MEI4: variants seen among roughly 807,000 people sequenced by gnomAD.
MEI4 encodes the protein meiotic double-stranded break formation protein 4, also known as meiosis-specific protein MEI4.
In MEI4, 27 loss-of-function variants were observed where a neutral mutation model predicts 31.4. That is an observed-to-expected ratio of 0.86 (90% CI 0.63 to 1.19). The LOEUF is 1.19. Among genes scored for constraint, MEI4 ranks in the 50% most tolerant of loss-of-function variants. MEI4 has a pLI of 0.00. For synonymous variants in MEI4, 122 were observed against 145.4 expected (o/e 0.84, Z 1.16); for missense variants, 329 against 398.9 (o/e 0.82, Z 1.49).
At chr6:77,760,507 T>C (rs1362632552) in intron 2 of MEI4, among the ~76,000 whole-genome samples, 1 of 152,186 alleles carries the variant, frequency 6.6e-6, no homozygotes, top group African/African-American at 2.4e-5. Flanking sequence ...CTTTATACTT[T>C]CTGTGGAAGC....
chr6:77,889,406 A>C (rs1330698057), intron 4 of MEI4, among the ~76,000 whole-genome samples: 2 of 152,184 alleles, frequency 1.3e-5, no homozygotes, highest in African/African-American at 2.4e-5. Context: ...GCTATACTTT[A>C]GCAAAGAGAC....
chr6:77,794,975 C>G (rs1769038433), intron 3 of MEI4, among the ~76,000 whole-genome samples: 1 of 151,822 alleles, frequency 6.6e-6, no homozygotes. Context: ...TTTGAACAAC[C>G]AGTGAATAAA....
At chr6:77,731,421 GTCT>G (rs1353022943) in intron 2 of MEI4, among the ~76,000 whole-genome samples, 5 of 151,302 alleles carry the variant, frequency 3.3e-5, no homozygotes, top group Admixed American at 2.6e-4. Flanking sequence ...CTGCATAAAT[GTCT>G]TCTTTTGAGA....
intron 2 of MEI4, among the ~76,000 whole-genome samples, chr6:77,713,552 C>T (rs1407609339): frequency 6.6e-6 from 1 of 152,058 alleles, no homozygotes; most frequent in Non-Finnish European, 1.5e-5. Context: ...GCCACATTCT[C>T]CAGTTTCAGT....
intron 2 of MEI4, among the ~76,000 whole-genome samples, chr6:77,742,253 C>T (rs1318185043): frequency 6.6e-6 from 1 of 151,334 alleles, no homozygotes; most frequent in Non-Finnish European, 1.5e-5. Context: ...TCAAAGTGTT[C>T]CTATTTCTCC....
At chr6:77,899,541 C>T (rs922437386) in intron 4 of MEI4, among the ~76,000 whole-genome samples, 4 of 152,056 alleles carry the variant, frequency 2.6e-5, no homozygotes, top group Non-Finnish European at 5.9e-5. Flanking sequence ...TATCGAGGCT[C>T]ATTCAGCTGC....
chr6:77,887,390 G>A (rs865910600), intron 4 of MEI4, among the ~76,000 whole-genome samples: 2 of 151,846 alleles, frequency 1.3e-5, no homozygotes, highest in African/African-American at 2.4e-5. Flanking sequence ...TCCACCTCCC[G>A]GGTTGAAGTG....
chr6:77,744,313 G>A (rs1246007981), intron 2 of MEI4, among the ~76,000 whole-genome samples: 95 of 151,556 alleles, frequency 6.3e-4, no homozygotes, highest in Non-Finnish European at 1.1e-3. Flanking sequence ...CGAGAACTAC[G>A]TGAAGAATGC....
At chr6:77,745,031 A>T (rs1035104573) in intron 2 of MEI4, among the ~76,000 whole-genome samples, 16 of 152,230 alleles carry the variant, frequency 1.1e-4, no homozygotes, top group Admixed American at 2.6e-4. Flanking sequence ...AATTGTAAAG[A>T]CCATTGAGGC....
At chr6:77,695,706 C>T (rs1164656328) in intron 2 of MEI4, among the ~76,000 whole-genome samples, 50 of 152,226 alleles carry the variant, frequency 3.3e-4, no homozygotes, top group South Asian at 8.3e-4. Flanking sequence ...ATGATGCCTC[C>T]GGCTTTGTTC....
chr6:77,740,803 T>G (rs1036324812), intron 2 of MEI4, among the ~76,000 whole-genome samples: 1 of 151,782 alleles, frequency 6.6e-6, no homozygotes, highest in African/African-American at 2.4e-5. Flanking sequence ...ATGTTGAACA[T>G]ATATATTTTG....
chr6:77,664,142 C>CT (rs1243546925), intron 1 of MEI4, among the ~76,000 whole-genome samples: 5 of 152,162 alleles, frequency 3.3e-5, no homozygotes, highest in African/African-American at 1.2e-4. Context: ...GGAATTGCAA[C>CT]TTTTTTCTAT....
At chr6:77,652,669 G>A (rs1768321598), upstream of MEI4, among the ~76,000 whole-genome samples, 1 of 152,150 alleles carries the variant, frequency 6.6e-6, no homozygotes, top group Non-Finnish European at 1.5e-5. Flanking sequence ...CCGTTATCCA[G>A]TAATCATAGC....
chr6:77,853,373 G>A (rs1172310408), intron 4 of MEI4, among the ~76,000 whole-genome samples: 1 of 152,152 alleles, frequency 6.6e-6, no homozygotes, highest in African/African-American at 2.4e-5. Context: ...AAACTTTTAA[G>A]GAGTTTCAGT....
At chr6:77,860,856 A>G (rs571833050) in intron 4 of MEI4, among the ~76,000 whole-genome samples, 1 of 152,234 alleles carries the variant, frequency 6.6e-6, no homozygotes, top group African/African-American at 2.4e-5. Flanking sequence ...CTTCATATGA[A>G]CATTTTATCT....
chr6:77,679,645 G>A (rs1016537164), intron 1 of MEI4, among the ~76,000 whole-genome samples: 1 of 152,074 alleles, frequency 6.6e-6, no homozygotes, highest in East Asian at 1.9e-4. Flanking sequence ...ACCGTGAATG[G>A]TGCTTGCTAC....
intron 3 of MEI4, among the ~76,000 whole-genome samples, chr6:77,780,683 C>T (rs1342927844): frequency 6.6e-6 from 1 of 152,068 alleles, no homozygotes; most frequent in Non-Finnish European, 1.5e-5. Flanking sequence ...CCTTTTGGTT[C>T]CCCCATATTT....
Position 77,925,906 on chromosome 6 carries a change from A to C in MEI4, c.*2560A>C, listed in dbSNP as rs1407930944. The C allele has an allele frequency of 6.6e-6, 1 of 150,972 alleles. No homozygotes were observed. The highest frequency in any genetic ancestry group is 1.5e-5 in the Non-Finnish European group (1 of 67,792). The allele number at this position is 150,972 out of a possible 1,614,324, so 9.4% of individuals were successfully genotyped here. A position where few individuals can be genotyped will look rare whatever the true frequency, so the allele number is the denominator to read the frequency against. On this transcript the variant is annotated 3_prime_UTR_variant, in exon 5 of 5. Transcript: ENST00000684080. ...TACCAAATAGCCAGGTACTTACCTA[A>C]GCATTTTACATATATTAAACTGTTT...
chr6:77,907,823 T>C (rs1766334084), intron 4 of MEI4, among the ~76,000 whole-genome samples: 1 of 152,082 alleles, frequency 6.6e-6, no homozygotes, highest in Admixed American at 6.5e-5. Context: ...GTTTCCTAAC[T>C]TTTTAATGAT....
Sources: gnomAD v4.1 joint callset for allele counts (sites outside exome capture counted in the v4.1 genomes callset) on GRCh38, gnomAD v4.1.1 for gene constraint, MANE v1.5 for transcripts, NCBI Gene and HGNC (gene_info 2026-07-23, HGNC 2026-07-21) for gene names.